GRM1: variants seen among roughly 807,000 people sequenced by gnomAD.
GRM1 encodes the protein glutamate metabotropic receptor 1.
A neutral mutation model predicts 90.9 loss-of-function variants in GRM1; 33 were observed. That is an observed-to-expected ratio of 0.36 (90% CI 0.28 to 0.49). The LOEUF is 0.49. Ranked by LOEUF, GRM1 falls within the 20% of genes least tolerant of loss-of-function variation. GRM1 has a pLI of 0.99. For synonymous variants in GRM1, 700 were observed against 613.2 expected (o/e 1.14, Z -2.09); for missense variants, 1,190 against 1,534.3 (o/e 0.78, Z 3.75).
intron 2 of GRM1, among the ~76,000 whole-genome samples, chr6:146,177,525 C>G (rs907038499): frequency 1.1e-4 from 16 of 152,030 alleles, no homozygotes; most frequent in African/African-American, 3.9e-4. Flanking sequence ...AGTTTCAGAG[C>G]TTTTAATCAC....
intron 7 of GRM1, among the ~76,000 whole-genome samples, chr6:146,418,864 C>T (rs1777883436): frequency 1.3e-5 from 2 of 152,058 alleles, no homozygotes; most frequent in African/African-American, 2.4e-5. Context: ...AAACTTCTTT[C>T]ACGCTTAAAA....
At chr6:146,419,609 C>T (rs1777914859) in intron 7 of GRM1, among the ~76,000 whole-genome samples, 1 of 152,158 alleles carries the variant, frequency 6.6e-6, no homozygotes, top group Non-Finnish European at 1.5e-5. Flanking sequence ...CTAATTGACC[C>T]ACAGTTCCAC....
chr6:146,138,745 A>AG (rs1341230351), intron 1 of GRM1, among the ~76,000 whole-genome samples: 1 of 151,918 alleles, frequency 6.6e-6, no homozygotes, highest in African/African-American at 2.4e-5. Context: ...TAGTATGTCT[A>AG]AAGGTTTGTC....
At chr6:146,381,999 A>C (rs1052160561) in intron 5 of GRM1, among the ~76,000 whole-genome samples, 3 of 152,184 alleles carry the variant, frequency 2.0e-5, no homozygotes, top group African/African-American at 7.2e-5. Context: ...GAATCATAAC[A>C]TTGTGTGTAG....
intron 3 of GRM1, among the ~76,000 whole-genome samples, chr6:146,349,360 C>T (rs1319161397): frequency 6.6e-6 from 1 of 151,832 alleles, no homozygotes; most frequent in Admixed American, 6.6e-5. Flanking sequence ...GGATTACAGG[C>T]GTGAGCCACC....
Position 146,435,199 on chromosome 6 carries a change from T to A in GRM1, c.*403T>A. The A allele has an allele frequency of 2.9e-6, 1 of 340,760 alleles. No homozygotes were observed. The highest frequency in any genetic ancestry group is 2.4e-5 in the South Asian group (1 of 40,994). 21.1% of individuals were successfully genotyped at this position (340,760 alleles called of 1,614,324 possible). A position where few individuals can be genotyped will look rare whatever the true frequency, so the allele number is the denominator to read the frequency against. On this transcript the variant is annotated 3_prime_UTR_variant, in exon 8 of 8. Transcript: ENST00000282753. ...CATGCTTGCCAAGGAACAGCCCACG[T>A]GGACATGCCAGTCGGATCATGAGTT...
intron 5 of GRM1, among the ~76,000 whole-genome samples, chr6:146,381,316 G>A (rs142257824): frequency 8.5e-5 from 13 of 152,310 alleles, no homozygotes; most frequent in African/African-American, 2.2e-4. Flanking sequence ...TGGAATCAGC[G>A]AGTATCTTCT....
At chr6:146,160,471 C>T (rs1463585753) in intron 2 of GRM1, among the ~76,000 whole-genome samples, 2 of 152,166 alleles carry the variant, frequency 1.3e-5, no homozygotes, top group Admixed American at 6.5e-5. Flanking sequence ...CTCAGTTTTC[C>T]CCAGGAACCT....
intron 1 of GRM1, among the ~76,000 whole-genome samples, chr6:146,060,505 G>A (rs531197744): frequency 2.0e-5 from 3 of 152,086 alleles, no homozygotes; most frequent in South Asian, 2.1e-4. Context: ...GTGACATTTG[G>A]TTTTCTGTTC....
intron 2 of GRM1, among the ~76,000 whole-genome samples, chr6:146,168,088 C>T (rs1215996330): frequency 6.6e-6 from 1 of 151,822 alleles, no homozygotes; most frequent in Non-Finnish European, 1.5e-5. Flanking sequence ...GTAAGAATAT[C>T]CCAGTCGTTT....
chr6:146,434,239 C>A lies in GRM1; in HGVS notation c.3028C>A (p.Pro1010Thr). Reference protein sequence around the residue: ...TPLFLAEPALPKGLPPPLQQQ... With the variant: ...TPLFLAEPALTKGLPPPLQQQ... ...CCTCTTCCTGGCCGAACCAGCCCTC[C>A]CCAAGGGCTTGCCCCCTCCTCTCCA... The change falls in exon 8 of 8, where the codon CCC (proline) becomes ACC (threonine). Residue 1010 changes from proline to threonine, a missense_variant. This residue lies in a region of GRM1 where 400 missense variants were observed against 360.8 expected (regional missense o/e 1.11). Coordinates refer to ENST00000282753, the MANE Select transcript of GRM1 (RefSeq NM_001278064.2). 1 of 1,602,708 alleles carries A rather than the reference C, an allele frequency of 6.2e-7. No individual in the cohort carries two copies. Among genetic ancestry groups the A allele is most frequent in the Non-Finnish European group, 8.5e-7 (1 of 1,172,272 alleles).
chr6:146,398,308 C>T lies in GRM1; in HGVS notation c.1730-461C>T, dbSNP rs186375385. 1.8e-3 allele frequency among the ~76,000 whole-genome samples: 267 copies of T among 152,286 alleles called. 1 individual carries two copies. Among genetic ancestry groups the T allele is most frequent in the African/African-American group, 6.0e-3 (250 of 41,560 alleles). ...TTGAAAACACTCTGCTGGCCAAAAA[C>T]GACTTGTCTATGAGCTGGACTTGCC... is the stretch of plus-strand genomic sequence containing the variant. On this transcript the variant is annotated intron_variant, in intron 6 of 7. Coordinates refer to ENST00000282753, the MANE Select transcript of GRM1 (RefSeq NM_001278064.2).
At chr6:146,168,847 T>C (rs1487798061) in intron 2 of GRM1, among the ~76,000 whole-genome samples, 3 of 152,118 alleles carry the variant, frequency 2.0e-5, no homozygotes, top group Non-Finnish European at 2.9e-5. Flanking sequence ...TTCTCTAATA[T>C]GTATTATCAC....
intron 1 of GRM1, among the ~76,000 whole-genome samples, chr6:146,119,947 C>T (rs532142531): frequency 2.0e-5 from 3 of 152,156 alleles, no homozygotes; most frequent in Admixed American, 6.5e-5. Context: ...TCCATATTAA[C>T]TTTAAAGTAG....
At chr6:146,042,346 A>G (rs998030963) in intron 1 of GRM1, among the ~76,000 whole-genome samples, 3 of 152,036 alleles carry the variant, frequency 2.0e-5, no homozygotes, top group African/African-American at 7.2e-5. Context: ...TGAGAGATCC[A>G]ATGATAACTA....
At chr6:146,128,830 TCA>T (rs1776289084) in intron 1 of GRM1, among the ~76,000 whole-genome samples, 1 of 152,148 alleles carries the variant, frequency 6.6e-6, no homozygotes, top group African/African-American at 2.4e-5. Context: ...TTCCACTCTC[TCA>T]TCCCAGCATC....
At chr6:146,400,784 T>C (rs940235140) in intron 7 of GRM1, among the ~76,000 whole-genome samples, 2 of 152,192 alleles carry the variant, frequency 1.3e-5, no homozygotes, top group African/African-American at 2.4e-5. Flanking sequence ...TAAAAAGTTT[T>C]AATAATAATC....
chr6:146,163,735 G>A (rs548689500), intron 2 of GRM1, among the ~76,000 whole-genome samples: 9 of 152,100 alleles, frequency 5.9e-5, no homozygotes, highest in East Asian at 1.9e-4. Flanking sequence ...TTTATTTCAC[G>A]GTTTAGAGTC....
chr6:146,350,908 T>C (rs1298259899), intron 3 of GRM1, among the ~76,000 whole-genome samples: 3 of 152,222 alleles, frequency 2.0e-5, no homozygotes, highest in Non-Finnish European at 4.4e-5. Flanking sequence ...TCTAATCTTC[T>C]TCCCCTTTAA....
Sources: allele counts gnomAD v4.1 joint callset (sites outside exome capture counted in the v4.1 genomes callset), GRCh38; gene constraint gnomAD v4.1.1; regional missense constraint gnomAD v4.1.1; transcripts MANE v1.5; gene names NCBI Gene and HGNC (gene_info 2026-07-23, HGNC 2026-07-21).